GAL3ST3: variants seen among roughly 807,000 people sequenced by gnomAD.
The protein encoded by GAL3ST3 is beta-galactose-3-O-sulfotransferase 3.
GAL3ST3 carries 21 observed loss-of-function variants against 20.8 expected under a neutral mutation model. The observed-to-expected ratio is 1.01, with a 90% CI of 0.72 to 1.45. GAL3ST3 has a LOEUF of 1.45. GAL3ST3 is among the 40% of genes most tolerant of loss of function. The pLI is 0.00. For missense variants in GAL3ST3, 739 were observed against 662.7 expected, an observed-to-expected ratio of 1.12 and a Z score of -1.26; for synonymous variants, 355 against 307.2, an observed-to-expected ratio of 1.16 and a Z score of -1.63.
At position 66,042,462 on chromosome 11, in the gene GAL3ST3, C is replaced by G. The variant is rs1856715382; in HGVS notation, c.*45G>C. 2 of 1,389,624 alleles carry G rather than the reference C, an allele frequency of 1.4e-6. No homozygotes were observed. Among genetic ancestry groups the G allele is most frequent in the Non-Finnish European group, 1.9e-6 (2 of 1,069,504 alleles). The allele number at this position is 1,389,624 out of a possible 1,614,324, so 86.1% of individuals were successfully genotyped here. A position where few individuals can be genotyped will look rare whatever the true frequency, so the allele number is the denominator to read the frequency against. On this transcript the variant is annotated 3_prime_UTR_variant, in exon 3 of 3. Transcript: ENST00000312006. ...ATGGAGGCAGCCCCTGGCTGGACTC[C>G]TGGGAGGGCAGGGCAGGACCCATAC...
Position 66,042,042 on chromosome 11 carries a change from A to T in GAL3ST3, c.*465T>A. 1 of 155,406 alleles carries T rather than the reference A, an allele frequency of 6.4e-6. No individual in the cohort carries two copies. The highest frequency in any genetic ancestry group is 1.4e-5 in the Non-Finnish European group (1 of 69,980). 9.6% of individuals were successfully genotyped at this position (155,406 alleles called of 1,614,324 possible). On this transcript the variant is annotated 3_prime_UTR_variant, in exon 3 of 3. Coordinates refer to ENST00000312006, the MANE Select transcript of GAL3ST3 (RefSeq NM_033036.3). ...CTCTTGGTTCTGGGAGACTGGGAGC[A>T]GCTTAGGTCTGTGGGGAGGGTAGAA...
Position 66,042,570 on chromosome 11 carries a change from G to A in GAL3ST3, c.1233C>T (p.Pro411=), listed in dbSNP as rs1333044029. The A allele has an allele frequency of 5.9e-6, 9 of 1,533,856 alleles. No homozygotes were observed. Among genetic ancestry groups the A allele is most frequent in the South Asian group, 2.4e-5 (2 of 83,522 alleles). ...RRGGARARPE[P]VLDNPPPRPI... ...GCCGAGGCGGGGGATTGTCCAGGAC[G>A]GGCTCGGGCCGAGCCCGCGCACCGC... Residue 411 remains proline, a synonymous_variant, in exon 3 of 3, where the codon CCC becomes CCT. Coordinates refer to ENST00000312006, the MANE Select transcript of GAL3ST3 (RefSeq NM_033036.3).
At position 66,042,775 on chromosome 11, in the gene GAL3ST3, C is replaced by T. The variant is rs1253031284; in HGVS notation, c.1028G>A (p.Arg343Gln). Reference protein sequence around the residue: ...RRCFGDEPLLRPAAQIRTKQL... With the variant: ...RRCFGDEPLLQPAAQIRTKQL... Reference sequence around the variant, plus strand: ...CTTGGTGCGGATCTGCGCGGCAGGCCGCAGCAGTGGCTCGTCCCCGAAGCA... The same window carrying T: ...CTTGGTGCGGATCTGCGCGGCAGGCTGCAGCAGTGGCTCGTCCCCGAAGCA... Residue 343 changes from arginine (R) to glutamine (Q), a missense_variant, in exon 3 of 3, where the codon CGG (arginine) becomes CAG (glutamine). By Grantham distance (43) the Arg-to-Gln change is conservative. Transcript: ENST00000312006. The T allele has an allele frequency of 6.6e-7, 1 of 1,507,562 alleles. No homozygotes were observed. Among genetic ancestry groups the T allele is most frequent in the Non-Finnish European group, 8.8e-7 (1 of 1,136,516 alleles). The allele number at this position is 1,507,562 out of a possible 1,614,324, so 93.4% of individuals were successfully genotyped here. A position where few individuals can be genotyped will look rare whatever the true frequency, so the allele number is the denominator to read the frequency against.
chr11:66,043,018 A>AC lies in GAL3ST3; in HGVS notation c.784dup (p.Val262GlyfsTer107). On this transcript the variant is annotated frameshift_variant, in exon 3 of 3. Coordinates refer to ENST00000312006, the MANE Select transcript of GAL3ST3 (RefSeq NM_033036.3). LOFTEE classifies it low-confidence loss of function (END_TRUNC). ...GCGCGCGTTGAGCTTGGCGTAGAGC[A>AC]CGTCGTCCAGGTCCCAGGCCAGTAG... 1 of 1,609,190 alleles carries AC rather than the reference A, an allele frequency of 6.2e-7. No homozygotes were observed. The highest frequency in any genetic ancestry group is 8.5e-7 in the Non-Finnish European group (1 of 1,178,752).
chr11:66,042,798 G>A lies in GAL3ST3; in HGVS notation c.1005C>T (p.Cys335=), dbSNP rs777484491. Residue 335 remains cysteine (C), a synonymous_variant, in exon 3 of 3, where the codon TGC becomes TGT. Coordinates refer to ENST00000312006, the MANE Select transcript of GAL3ST3 (RefSeq NM_033036.3). Reference sequence around the variant, plus strand: ...GCCGCAGCAGTGGCTCGTCCCCGAAGCAGCGCCGCAGTAGGCGCTGGCGGG... The same window carrying A: ...GCCGCAGCAGTGGCTCGTCCCCGAAACAGCGCCGCAGTAGGCGCTGGCGGG... ...REARQRLLRR[C]FGDEPLLRPA... 6.9e-7 allele frequency: 1 copy of A among 1,456,960 alleles called. No individual in the cohort carries two copies. The highest frequency in any genetic ancestry group is 1.4e-5 in the South Asian group (1 of 72,906). 90.3% of individuals were successfully genotyped at this position (1,456,960 alleles called of 1,614,324 possible).
Position 66,043,188 on chromosome 11 carries a change from C to T in GAL3ST3, c.615G>A (p.Leu205=). 6.2e-7 allele frequency: 1 copy of T among 1,612,216 alleles called. No homozygotes were observed. The highest frequency in any genetic ancestry group is 8.5e-7 in the Non-Finnish European group (1 of 1,179,450). The part of the protein sequence containing the change: ...EHFAMFAHNT[L]AYDLGGDNER... ...CATTGTCGCCGCCCAGGTCGTAGGC[C>T]AGCGTGTTGTGTGCGAACATGGCGA... The change falls in exon 3 of 3, where the codon CTG becomes CTA. Residue 205 remains leucine, a synonymous_variant. Transcript: ENST00000312006.
At chr11:66,048,329 A>C (rs9326367) in intron 1 of GAL3ST3, among the ~76,000 whole-genome samples, 16 of 152,162 alleles carry the variant, frequency 1.1e-4, no homozygotes, top group African/African-American at 3.9e-4. Context: ...GAGCCGACCA[A>C]AGCTTTGAAA....
intron 1 of GAL3ST3, among the ~76,000 whole-genome samples, chr11:66,047,229 G>C (rs1042231202): frequency 2.0e-5 from 3 of 151,932 alleles, no homozygotes; most frequent in African/African-American, 7.3e-5. Flanking sequence ...GCCCTCTAAG[G>C]ATACACACCT....
rs1180599930 is a variant in GAL3ST3 at position 66,043,108 on chromosome 11, T to C, written c.695A>G (p.Glu232Gly). 1.9e-6 allele frequency: 3 copies of C among 1,611,812 alleles called. No individual in the cohort carries two copies. The highest frequency in any genetic ancestry group is 2.5e-6 in the Non-Finnish European group (3 of 1,179,346). Residue 232 changes from glutamate (E) to glycine (G), a missense_variant, in exon 3 of 3, where the codon GAG (glutamate) becomes GGG (glycine). Glu to Gly is a moderately conservative substitution (Grantham distance 98, BLOSUM62 -2). Coordinates refer to ENST00000312006, the MANE Select transcript of GAL3ST3 (RefSeq NM_033036.3). ...GATCATGACGAGCGAGAAAACCTCC[T>C]CCACCTGGCGGATGAGGCCCGCCAG... is the stretch of plus-strand genomic sequence containing the variant. ...AYLAGLIRQV[E>G]EVFSLVMIAE...
In GAL3ST3 at chr11:66,042,577, G is replaced by GGCCGA; in HGVS notation, c.1221_1225dup (p.Pro409LeufsTer54). The GGCCGA allele has an allele frequency of 6.5e-7, 1 of 1,535,610 alleles. No individual in the cohort carries two copies. The highest frequency in any genetic ancestry group is 8.7e-7 in the Non-Finnish European group (1 of 1,147,222). ...CGGGGGATTGTCCAGGACGGGCTCG[G>GGCCGA]GCCGAGCCCGCGCACCGCCCCGGCG... is the stretch of plus-strand genomic sequence containing the variant. On this transcript the variant is annotated frameshift_variant, in exon 3 of 3. Transcript: ENST00000312006. LOFTEE classifies it high-confidence loss of function.
At chr11:66,048,138 C>T (rs185523903) in intron 1 of GAL3ST3, among the ~76,000 whole-genome samples, 103 of 152,264 alleles carry the variant, frequency 6.8e-4, no homozygotes, top group African/African-American at 2.3e-3. Flanking sequence ...ATGCTTCACA[C>T]GACTCCCCAT....
rs776527325 is a variant in GAL3ST3 at position 66,043,282 on chromosome 11, C to T, written c.521G>A (p.Arg174His). 4 of 1,612,048 alleles carry T rather than the reference C, an allele frequency of 2.5e-6. No individual in the cohort carries two copies. Among genetic ancestry groups the T allele is most frequent in the South Asian group, 2.2e-5 (2 of 90,980 alleles). The change falls in exon 3 of 3, where the codon CGC becomes CAC. Residue 174 changes from arginine to histidine, a missense_variant. Physicochemically the swap from Arg to His is conservative, Grantham distance 29. Coordinates refer to ENST00000312006, the MANE Select transcript of GAL3ST3 (RefSeq NM_033036.3). ...GGCCTCGAGCGAGGCGTTGGGTACG[C>T]GCCGGAAGGCCGGGCAGTACTGGTT... ...YYNQYCPAFRRVPNASLEAFL... is the reference protein window; with the variant it reads ...YYNQYCPAFRHVPNASLEAFL...
In GAL3ST3 at chr11:66,043,057, A is replaced by C. The variant is rs755070469; in HGVS notation, c.746T>G (p.Val249Gly). ...CCAGGCCAGTAGGCGCCGCAGCAGC[A>C]CTAGCGACTCGTCGAAGTACTCGGC... ...MIAEYFDESL[V>G]LLRRLLAWDL... The change falls in exon 3 of 3, where the codon GTG becomes GGG. Residue 249 changes from valine to glycine, a missense_variant. Transcript: ENST00000312006. 1.5e-5 allele frequency: 24 copies of C among 1,611,388 alleles called. No homozygotes were observed. Among genetic ancestry groups the C allele is most frequent in the Non-Finnish European group, 2.0e-5 (24 of 1,179,268 alleles).
chr11:66,045,246 A>T, intron 2 of GAL3ST3, 45 bp downstream of exon 2: 1 of 1,453,488 alleles, frequency 6.9e-7, no homozygotes, highest in Middle Eastern at 2.4e-4. Context: ...CAGGTGGAAG[A>T]ATGGGGAGGG....
Position 66,045,245 on chromosome 11 carries a change from G to A in GAL3ST3, c.125+46C>T, listed in dbSNP as rs188701299. 7.4e-5 allele frequency: 108 copies of A among 1,451,984 alleles called. 3 individuals carry two copies. In the East Asian group the frequency reaches 2.0e-3, roughly 26 times the overall value. 89.9% of individuals were successfully genotyped at this position (1,451,984 alleles called of 1,614,324 possible). ...AGCAGGACCCTTCTAGCAGGTGGAA[G>A]AATGGGGAGGGGAGCTCCGGCCCCC... On this transcript the variant is annotated intron_variant, in intron 2 of 2. Transcript: ENST00000312006.
At chr11:66,045,730 A>T (rs1856776446) in intron 1 of GAL3ST3, among the ~76,000 whole-genome samples, 1 of 152,218 alleles carries the variant, frequency 6.6e-6, no homozygotes, top group African/African-American at 2.4e-5. Flanking sequence ...TCTGGGGTGT[A>T]GCCAGCCCTT....
chr11:66,043,703 G>A, intron 2 of GAL3ST3, 26 bp from the exon 3 acceptor site: 2 of 1,567,180 alleles, frequency 1.3e-6, no homozygotes, highest in Non-Finnish European at 1.7e-6. Flanking sequence ...AGTGTGCGGA[G>A]AGGAGGGTGT....
chr11:66,043,481 G>C lies in GAL3ST3; in HGVS notation c.322C>G (p.Pro108Ala). 6.2e-7 allele frequency: 1 copy of C among 1,610,400 alleles called. No individual in the cohort carries two copies. Among genetic ancestry groups the C allele is most frequent in the Non-Finnish European group, 8.5e-7 (1 of 1,179,138 alleles). Residue 108 changes from proline to alanine, a missense_variant, in exon 3 of 3, where the codon CCC becomes GCC. Coordinates refer to ENST00000312006, the MANE Select transcript of GAL3ST3 (RefSeq NM_033036.3). ...ACGAAGTGCGCCGAGAAGTTGCGGG[G>C]GTAGCAGAACTGGTGCTCGCAGCTC... ...HPSCEHQFCY[P>A]RNFSAHFVHP...
intron 2 of GAL3ST3, among the ~76,000 whole-genome samples, chr11:66,043,909 T>A (rs904740058): frequency 6.6e-6 from 1 of 152,214 alleles, no homozygotes; most frequent in African/African-American, 2.4e-5. Context: ...GCTGGACTTA[T>A]CATTGCATCT....
Sources: allele counts gnomAD v4.1 joint callset (sites outside exome capture counted in the v4.1 genomes callset), GRCh38; gene constraint gnomAD v4.1.1; transcripts MANE v1.5; gene names NCBI Gene and HGNC (gene_info 2026-07-23, HGNC 2026-07-21).